The following TGFBR3 variants were observed in gnomAD, a reference collection of about 807,000 sequenced individuals.
TGFBR3 encodes transforming growth factor beta receptor type 3.
A neutral mutation model predicts 87.9 loss-of-function variants in TGFBR3; 46 were observed. The observed-to-expected ratio is 0.52, with a 90% CI of 0.41 to 0.67. The LOEUF is 0.67. TGFBR3 is among the 30% of genes least tolerant of loss of function. The pLI, the probability that TGFBR3 is intolerant of heterozygous loss-of-function variation, is 0.00. For missense variants in TGFBR3, 866 were observed against 1,041.9 expected, an observed-to-expected ratio of 0.83 and a Z score of 2.32; for synonymous variants, 381 against 391.6, an observed-to-expected ratio of 0.97 and a Z score of 0.32.
intron 14 of TGFBR3, among the ~76,000 whole-genome samples, chr1:91,708,381 T>A (rs1359714597): frequency 6.6e-6 from 1 of 152,110 alleles, no homozygotes; most frequent in African/African-American, 2.4e-5. Context: ...CAAGGAAGCA[T>A]ATTTGAATGC....
intron 4 of TGFBR3, among the ~76,000 whole-genome samples, chr1:91,738,684 T>C (rs1673046931): frequency 6.6e-6 from 1 of 152,204 alleles, no homozygotes; most frequent in South Asian, 2.1e-4. Context: ...TTCTTATAAA[T>C]TGCCCAGTCT....
chr1:91,763,750 G>C (rs187490024), intron 3 of TGFBR3, among the ~76,000 whole-genome samples: 217 of 152,216 alleles, frequency 1.4e-3, no homozygotes, highest in African/African-American at 5.1e-3. Context: ...ACTGACATTT[G>C]GGCAATATGA....
At chr1:91,728,434 G>C (rs760685633) in intron 6 of TGFBR3, among the ~76,000 whole-genome samples, 2 of 152,030 alleles carry the variant, frequency 1.3e-5, no homozygotes, top group African/African-American at 2.4e-5. Context: ...GAAAACAGAT[G>C]GTCAACCAAG....
intron 15 of TGFBR3, among the ~76,000 whole-genome samples, chr1:91,697,428 GACA>G (rs2100720841): frequency 6.6e-6 from 1 of 152,312 alleles, no homozygotes; most frequent in African/African-American, 2.4e-5. Context: ...CTCCTCACAA[GACA>G]ACATTATCTA....
intron 2 of TGFBR3, among the ~76,000 whole-genome samples, chr1:91,797,803 C>T (rs1257082234): frequency 2.0e-5 from 3 of 152,142 alleles, no homozygotes; most frequent in Admixed American, 6.5e-5. Flanking sequence ...AAATAAATTG[C>T]TTAAAGTCCC....
chr1:91,878,526 A>G lies in TGFBR3; in HGVS notation c.-114+7352T>C, dbSNP rs139942242. 4.4e-3 allele frequency among the ~76,000 whole-genome samples: 668 copies of G among 152,336 alleles called. 8 individuals carry two copies. Among genetic ancestry groups the G allele is most frequent in the African/African-American group, 0.015 (639 of 41,578 alleles). On this transcript the variant is annotated intron_variant, in intron 1 of 16. Transcript: ENST00000212355. ...GCAAAATAGTATGATACAAATTTAAAAAGAAATCCAGAGTTCTACTAGACC... is the reference window on the plus strand; with the variant it reads ...GCAAAATAGTATGATACAAATTTAAGAAGAAATCCAGAGTTCTACTAGACC...
intron 1 of TGFBR3, among the ~76,000 whole-genome samples, chr1:91,874,054 A>G (rs1254562697): frequency 6.6e-6 from 1 of 152,222 alleles, no homozygotes; most frequent in Admixed American, 6.5e-5. Flanking sequence ...TATTCAACAG[A>G]GAACAAAACA....
intron 2 of TGFBR3, among the ~76,000 whole-genome samples, chr1:91,798,708 C>T (rs968144982): frequency 6.6e-6 from 1 of 152,144 alleles, no homozygotes; most frequent in African/African-American, 2.4e-5. Context: ...ATCTTTGTAT[C>T]CTCAGCATTC....
chr1:91,805,655 C>T (rs1386937163), intron 2 of TGFBR3, among the ~76,000 whole-genome samples: 1 of 152,222 alleles, frequency 6.6e-6, no homozygotes, highest in Non-Finnish European at 1.5e-5. Context: ...AGCTGGGCCA[C>T]CTGAGGCCAC....
chr1:91,682,384 G>A lies in TGFBR3; in HGVS notation c.*1355C>T, dbSNP rs1317303612. ...CTTCAGCAGTAAAATAATTTAGCAT[G>A]ATAATTCCCCCCTGGCATTCTTTTT... On this transcript the variant is annotated 3_prime_UTR_variant, in exon 17 of 17. Transcript: ENST00000212355. 1 of 440,584 alleles carries A rather than the reference G, an allele frequency of 2.3e-6. No homozygotes were observed. Among genetic ancestry groups the A allele is most frequent in the Non-Finnish European group, 4.5e-6 (1 of 223,616 alleles). The allele number at this position is 440,584 out of a possible 1,614,324, so 27.3% of individuals were successfully genotyped here.
chr1:91,765,035 A>G (rs1056290546), intron 3 of TGFBR3, among the ~76,000 whole-genome samples: 5 of 152,096 alleles, frequency 3.3e-5, no homozygotes, highest in African/African-American at 1.2e-4. Flanking sequence ...TCAAAACATT[A>G]TGAGATTTCT....
In TGFBR3 at chr1:91,682,425, T is replaced by TTTTTA. The variant is rs1553158586; in HGVS notation, c.*1313_*1314insTAAAA. 3.3e-5 allele frequency: 14 copies of TTTTTA among 421,106 alleles called. No homozygotes were observed. Among genetic ancestry groups the TTTTTA allele is most frequent in the Non-Finnish European group, 5.5e-5 (12 of 217,488 alleles). 26.1% of individuals were successfully genotyped at this position (421,106 alleles called of 1,614,324 possible). The stretch of plus-strand genomic sequence containing the variant: ...CATTCTTTTTTTTTTTTTTTTTTTT[T>TTTTTA]AACAAGGAGGTATCACTGAGCTTAT... On this transcript the variant is annotated 3_prime_UTR_variant, in exon 17 of 17. Transcript: ENST00000212355.
rs922528197 is a variant in TGFBR3 at position 91,840,528 on chromosome 1, A to G, written c.61+20943T>C. Among the ~76,000 whole-genome samples the G allele has an allele frequency of 1.4e-4, 21 of 148,304 alleles. 1 individual carries two copies. The highest frequency in any genetic ancestry group is 4.2e-4 in the African/African-American group (17 of 40,272). ...GCATGATTTTGTAATATCATGCATGATTTTGTAATATCATGCATGATTTTG... is the reference window on the plus strand; with the variant it reads ...GCATGATTTTGTAATATCATGCATGGTTTTGTAATATCATGCATGATTTTG... On this transcript the variant is annotated intron_variant, in intron 2 of 16. Coordinates refer to ENST00000212355, the MANE Select transcript of TGFBR3 (RefSeq NM_003243.5).
chr1:91,776,773 CTGT>C (rs1674581771), intron 3 of TGFBR3, among the ~76,000 whole-genome samples: 1 of 152,156 alleles, frequency 6.6e-6, no homozygotes, highest in African/African-American at 2.4e-5. Flanking sequence ...AATGGTTGTT[CTGT>C]CATTTGTCTG....
At chr1:91,865,129 G>C (rs1428698304) in intron 1 of TGFBR3, among the ~76,000 whole-genome samples, 2 of 148,954 alleles carry the variant, frequency 1.3e-5, no homozygotes, top group African/African-American at 5.0e-5. Flanking sequence ...CTTGAACCCA[G>C]GAGAGGGAAA....
At position 91,836,451 on chromosome 1, in the gene TGFBR3, G is replaced by A. The variant is rs534276563; in HGVS notation, c.61+25020C>T. Among the ~76,000 whole-genome samples the A allele has an allele frequency of 2.1e-4, 32 of 151,660 alleles. No homozygotes were observed. In the East Asian group the frequency reaches 6.2e-3, roughly 29 times the overall value. ...AGTACACTGTAAAATGTAGCAAACC[G>A]AGGTTACACAGCTACTCAGTGGCAG... is the stretch of plus-strand genomic sequence containing the variant. On this transcript the variant is annotated intron_variant, in intron 2 of 16. Transcript: ENST00000212355.
chr1:91,884,228 G>A lies in TGFBR3; in HGVS notation c.-114+1650C>T, dbSNP rs972235228. ...CCAGCTACTCTGGAGGCTGAGTCAGGAGAAACTCTTGAACCCGGGAGGTGG... is the reference window on the plus strand; with the variant it reads ...CCAGCTACTCTGGAGGCTGAGTCAGAAGAAACTCTTGAACCCGGGAGGTGG... On this transcript the variant is annotated intron_variant, in intron 1 of 16. Coordinates refer to ENST00000212355, the MANE Select transcript of TGFBR3 (RefSeq NM_003243.5). 5.3e-5 allele frequency among the ~76,000 whole-genome samples: 8 copies of A among 151,764 alleles called. 1 individual carries two copies. Among genetic ancestry groups the A allele is most frequent in the African/African-American group, 1.9e-4 (8 of 41,270 alleles).
At chr1:91,848,576 G>GT (rs1199063841) in intron 2 of TGFBR3, among the ~76,000 whole-genome samples, 2 of 152,130 alleles carry the variant, frequency 1.3e-5, no homozygotes, top group African/African-American at 4.8e-5. Context: ...AAAATCTGTT[G>GT]TATCATGCTC....
In TGFBR3 at chr1:91,704,242, C is replaced by T. The variant is rs187290268; in HGVS notation, c.2287+4421G>A. ...ACTCGGGAGGCTGAGGCAGGAGAAG[C>T]GCTTGAACCCAGGAGGTGGAGGTTG... On this transcript the variant is annotated intron_variant, in intron 14 of 16. Transcript: ENST00000212355. 3.8e-3 allele frequency among the ~76,000 whole-genome samples: 577 copies of T among 151,232 alleles called. 3 individuals are homozygous for T. Among genetic ancestry groups the T allele is most frequent in the African/African-American group, 0.013 (548 of 41,132 alleles).
Sources: gnomAD v4.1 joint callset for allele counts (sites outside exome capture counted in the v4.1 genomes callset) on GRCh38, gnomAD v4.1.1 for gene constraint, MANE v1.5 for transcripts, NCBI Gene and HGNC (gene_info 2026-07-23, HGNC 2026-07-21) for gene names.